PPA2: variants seen among roughly 807,000 people sequenced by gnomAD.
PPA2 encodes the protein inorganic pyrophosphatase 2, mitochondrial.
A neutral mutation model predicts 49.5 loss-of-function variants in PPA2; 48 were observed. The observed-to-expected ratio is 0.97, with a 90% confidence interval of 0.77 to 1.23. PPA2 has a LOEUF of 1.23. Among genes scored for constraint, PPA2 ranks in the 50% most tolerant of loss-of-function variants. The pLI, the probability that PPA2 is intolerant of heterozygous loss-of-function variation, is 0.00. For missense variants in PPA2, 429 were observed against 410.1 expected (o/e 1.05, Z -0.40); for synonymous variants, 131 against 139.9 (o/e 0.94, Z 0.45).
Position 105,386,639 on chromosome 4 carries a change from G to A in PPA2, c.870-3C>T. The A allele has an allele frequency of 1.2e-6, 2 of 1,610,580 alleles. No individual in the cohort carries two copies. The highest frequency in any genetic ancestry group is 1.7e-6 in the Non-Finnish European group (2 of 1,177,610). ...TATCAGATATCTGCACGTTTGTGCTGGAGAGGAAAAGAGAATGTTATTATT... is the reference window on the plus strand; with the variant it reads ...TATCAGATATCTGCACGTTTGTGCTAGAGAGGAAAAGAGAATGTTATTATT... On this transcript the variant is annotated splice_region_variant and splice_polypyrimidine_tract_variant and intron_variant, in intron 9 of 11. Transcript: ENST00000341695.
At chr4:105,379,393 ATATATC>A (rs1429243452) in intron 10 of PPA2, among the ~76,000 whole-genome samples, 2 of 151,664 alleles carry the variant, frequency 1.3e-5, no homozygotes, top group Admixed American at 6.6e-5. Flanking sequence ...GTGTGTATAT[ATATATC>A]TATATGTGTG....
intron 9 of PPA2, among the ~76,000 whole-genome samples, chr4:105,391,539 TA>T (rs35459147): frequency 1.3e-5 from 2 of 150,996 alleles, no homozygotes; most frequent in African/African-American, 2.4e-5. Context: ...TACAAAGTAT[TA>T]AAAAAAAATC....
At position 105,449,369 on chromosome 4, in the gene PPA2, C is replaced by T. The variant is rs1254131781; in HGVS notation, c.302G>A (p.Trp101Ter). Reference sequence around the variant, plus strand: ...CGGTACCTCCATTTTAGCATTTGTCCACCGAGGTATTTCTACAATCATATT... The same window carrying T: ...CGGTACCTCCATTTTAGCATTTGTCTACCGAGGTATTTCTACAATCATATT... ...LFNMIVEIPR[W>*]TNAKMEIATK... The change falls in exon 4 of 12, where the codon TGG becomes TAG. Residue 101 changes from tryptophan (W) to a stop codon, truncating the protein, a stop_gained. Coordinates refer to ENST00000341695, the MANE Select transcript of PPA2 (RefSeq NM_176869.3). LOFTEE classifies it high-confidence loss of function. 1.9e-6 allele frequency: 3 copies of T among 1,572,962 alleles called. No homozygotes were observed. Among genetic ancestry groups the T allele is most frequent in the Admixed American group, 1.7e-5 (1 of 57,182 alleles).
chr4:105,377,399 A>G lies in PPA2; in HGVS notation c.940-6526T>C. ...CAATTCTCCACAACAGCCTGATAAG[A>G]TACTATTATTATAAGCCCCATTTTA... On this transcript the variant is annotated intron_variant, in intron 10 of 11. Transcript: ENST00000341695. 1.3e-5 allele frequency among the ~76,000 whole-genome samples: 2 copies of G among 152,184 alleles called. 1 individual carries two copies. The highest frequency in any genetic ancestry group is 1.3e-4 in the Admixed American group (2 of 15,260).
chr4:105,451,110 C>T (rs1201064120), intron 3 of PPA2, among the ~76,000 whole-genome samples: 4 of 152,228 alleles, frequency 2.6e-5, no homozygotes, highest in African/African-American at 4.8e-5. Context: ...CCCAGAGCCC[C>T]GTCTCTCATC....
chr4:105,446,129 A>C (rs1237714565), intron 5 of PPA2: 1 of 318,050 alleles, frequency 3.1e-6, no homozygotes, highest in Non-Finnish European at 5.6e-6. Flanking sequence ...ACCAGAAAAA[A>C]AAAAATGTAT....
intron 1 of PPA2, among the ~76,000 whole-genome samples, chr4:105,456,975 T>A (rs1251562403): frequency 6.6e-6 from 1 of 152,274 alleles, no homozygotes; most frequent in East Asian, 1.9e-4. Context: ...ATAATTTACT[T>A]ATCCCTGTGG....
intron 3 of PPA2, 123 bp from the exon 4 acceptor site, chr4:105,449,526 CAT>C (rs1722578518): frequency 3.6e-6 from 2 of 563,028 alleles, no homozygotes; most frequent in African/African-American, 3.9e-5. Flanking sequence ...GAGTCTCCAT[CAT>C]ACATCTACCT....
At chr4:105,427,870 G>C (rs1002737973) in intron 6 of PPA2, among the ~76,000 whole-genome samples, 2 of 152,114 alleles carry the variant, frequency 1.3e-5, no homozygotes, top group African/African-American at 4.8e-5. Context: ...TACTCCTCGA[G>C]AAGAGCAACC....
intron 1 of PPA2, among the ~76,000 whole-genome samples, chr4:105,462,504 G>T (rs1239779869): frequency 6.6e-6 from 1 of 152,136 alleles, no homozygotes; most frequent in East Asian, 1.9e-4. Context: ...AGGCCTAGTG[G>T]TTACCTTCAT....
intron 10 of PPA2, among the ~76,000 whole-genome samples, chr4:105,380,710 G>A (rs763986322): frequency 2.0e-5 from 3 of 151,958 alleles, no homozygotes; most frequent in Admixed American, 6.6e-5. Context: ...TCTTATTTAT[G>A]TTTCTAAAAT....
chr4:105,402,501 T>C (rs1722257797), intron 7 of PPA2, among the ~76,000 whole-genome samples: 1 of 152,142 alleles, frequency 6.6e-6, no homozygotes, highest in Non-Finnish European at 1.5e-5. Flanking sequence ...AATGCAAATC[T>C]TCTGAACTAA....
intron 2 of PPA2, among the ~76,000 whole-genome samples, chr4:105,455,829 A>G: frequency 6.6e-6 from 1 of 152,118 alleles, no homozygotes; most frequent in East Asian, 1.9e-4. Context: ...TGATCACCCC[A>G]CATCCTAGAA....
intron 7 of PPA2, chr4:105,399,537 A>T (rs1734277266): frequency 6.3e-6 from 1 of 158,668 alleles, no homozygotes; most frequent in South Asian, 2.0e-4. Context: ...ACAGAGATAA[A>T]CAGAAGCAAT....
chr4:105,402,903 A>G (rs1452995193), intron 7 of PPA2, among the ~76,000 whole-genome samples: 1 of 152,122 alleles, frequency 6.6e-6, no homozygotes, highest in African/African-American at 2.4e-5. Flanking sequence ...TTACCAATGG[A>G]AAAAAAATTA....
At chr4:105,411,901 T>TC (rs1722777234) in intron 7 of PPA2, among the ~76,000 whole-genome samples, 1 of 152,074 alleles carries the variant, frequency 6.6e-6, no homozygotes, top group Admixed American at 6.5e-5. Flanking sequence ...AAGGACCTCT[T>TC]CAAGGAGAAC....
At chr4:105,439,576 T>C (rs1724238495) in intron 5 of PPA2, among the ~76,000 whole-genome samples, 1 of 152,062 alleles carries the variant, frequency 6.6e-6, no homozygotes. Context: ...GTCAATACCA[T>C]GGAGAGTGTC....
chr4:105,466,141 G>C (rs765767213), intron 1 of PPA2, among the ~76,000 whole-genome samples: 8 of 152,020 alleles, frequency 5.3e-5, no homozygotes, highest in Non-Finnish European at 8.8e-5. Context: ...TTGCTAAAGA[G>C]GTCTTGGTCT....
chr4:105,472,453 C>T (rs1723561874), intron 1 of PPA2, among the ~76,000 whole-genome samples: 2 of 152,154 alleles, frequency 1.3e-5, no homozygotes, highest in African/African-American at 2.4e-5. Context: ...TATTAATTAC[C>T]GTACTTATTG....
Sources: gnomAD v4.1 joint callset for allele counts (sites outside exome capture counted in the v4.1 genomes callset) on GRCh38, gnomAD v4.1.1 for gene constraint, MANE v1.5 for transcripts, NCBI Gene and HGNC (gene_info 2026-07-23, HGNC 2026-07-21) for gene names.